NUS1: variants seen among roughly 807,000 people sequenced by gnomAD.
NUS1 encodes NUS1 dehydrodolichyl diphosphate synthase subunit, also known as dehydrodolichyl diphosphate synthase complex subunit NUS1.
For missense variants in NUS1, 292 were observed against 382.9 expected (o/e 0.76, Z 1.98); for synonymous variants, 135 against 155.2 (o/e 0.87, Z 0.97).
At chr6:117,683,363 A>T (rs1280239794) in intron 1 of NUS1, among the ~76,000 whole-genome samples, 6 of 152,176 alleles carry the variant, frequency 3.9e-5, no homozygotes, top group African/African-American at 1.4e-4. Flanking sequence ...GTATTTTGTT[A>T]TGATTTATTT....
chr6:117,691,611 GAT>G (rs1773222326), intron 1 of NUS1, among the ~76,000 whole-genome samples: 1 of 142,500 alleles, frequency 7.0e-6, no homozygotes, highest in African/African-American at 2.6e-5. Flanking sequence ...ATTCAAAAGT[GAT>G]ATAATTTTGA....
chr6:117,681,289 C>T (rs1426065623), intron 1 of NUS1, among the ~76,000 whole-genome samples: 1 of 152,170 alleles, frequency 6.6e-6, no homozygotes, highest in Non-Finnish European at 1.5e-5. Context: ...AACTTTCTTA[C>T]TAGATTATAA....
chr6:117,685,261 TA>T (rs767010612), intron 1 of NUS1, among the ~76,000 whole-genome samples: 12 of 152,230 alleles, frequency 7.9e-5, no homozygotes, highest in Non-Finnish European at 1.8e-4. Context: ...GTTTTACTTT[TA>T]TTTTTTTCAA....
chr6:117,694,131 G>A lies in NUS1; in HGVS notation c.642G>A (p.Lys214=), dbSNP rs1379094426. Reference sequence around the variant, plus strand: ...ACTTTTGCCAGTTAGTAGCCCAGAAGCAAAAGAGACCCACAGATTTGGATG... The same window carrying A: ...ACTTTTGCCAGTTAGTAGCCCAGAAACAAAAGAGACCCACAGATTTGGATG... ...AQDFCQLVAQ[K]QKRPTDLDVD... is the part of the protein sequence containing the mutation. Residue 214 remains lysine, a synonymous_variant, in exon 3 of 5, where the codon AAG becomes AAA. Transcript: ENST00000368494. 4.3e-6 allele frequency: 7 copies of A among 1,611,382 alleles called. No individual in the cohort carries two copies. The highest frequency in any genetic ancestry group is 4.0e-5 in the African/African-American group (3 of 74,822).
intron 1 of NUS1, among the ~76,000 whole-genome samples, chr6:117,683,437 T>G (rs1448092051): frequency 6.6e-6 from 1 of 152,218 alleles, no homozygotes; most frequent in Non-Finnish European, 1.5e-5. Flanking sequence ...AAATAATTGC[T>G]CCATAAATAT....
At chr6:117,690,979 C>CAAA (rs71736900) in intron 1 of NUS1, among the ~76,000 whole-genome samples, 1,566 of 72,358 alleles carry the variant, frequency 0.022, 110 homozygotes, top group Non-Finnish European at 0.029. Flanking sequence ...GAGTCTGTCT[C>CAAA]AAAAAAAAAA....
chr6:117,682,523 T>G (rs1475340530), intron 1 of NUS1, among the ~76,000 whole-genome samples: 1 of 152,140 alleles, frequency 6.6e-6, no homozygotes, highest in Admixed American at 6.5e-5. Context: ...ATTACTTGAG[T>G]CCTGGAGGTT....
chr6:117,681,825 A>G (rs1773065571), intron 1 of NUS1, among the ~76,000 whole-genome samples: 1 of 152,142 alleles, frequency 6.6e-6, no homozygotes, highest in South Asian at 2.1e-4. Flanking sequence ...CTACCTGTCA[A>G]AAGACTGTTG....
chr6:117,703,726 G>T, intron 4 of NUS1, 22 bp downstream of exon 4: 1 of 1,537,374 alleles, frequency 6.5e-7, no homozygotes, highest in South Asian at 1.1e-5. Context: ...AAAGCGTACT[G>T]ACTTTGTTTA....
chr6:117,692,011 T>C (rs1329096141), intron 1 of NUS1, among the ~76,000 whole-genome samples: 2 of 152,042 alleles, frequency 1.3e-5, no homozygotes, highest in South Asian at 2.1e-4. Flanking sequence ...AGAGAATCCA[T>C]AGAATGGACA....
rs1364144383 is a variant in NUS1 at position 117,693,094 on chromosome 6, G to A, written c.468G>A (p.Gln156=). The change falls in exon 2 of 5, where the codon CAG becomes CAA. Residue 156 remains glutamine (Q), a synonymous_variant. Coordinates refer to ENST00000368494, the MANE Select transcript of NUS1 (RefSeq NM_138459.5). Reference sequence around the variant, plus strand: ...TGATGGATGAAATTTTAAAACAACAGCAAGAACTTCTGGGCCTAGATTGTT... The same window carrying A: ...TGATGGATGAAATTTTAAAACAACAACAAGAACTTCTGGGCCTAGATTGTT... ...SRLMDEILKQ[Q]QELLGLDCSK... 2.5e-6 allele frequency: 4 copies of A among 1,610,304 alleles called. No individual in the cohort carries two copies. Among genetic ancestry groups the A allele is most frequent in the Non-Finnish European group, 3.4e-6 (4 of 1,177,016 alleles).
chr6:117,676,851 T>C (rs1319068068), intron 1 of NUS1, among the ~76,000 whole-genome samples: 1 of 152,230 alleles, frequency 6.6e-6, no homozygotes, highest in Non-Finnish European at 1.5e-5. Context: ...GCAGTGAGGC[T>C]ATAGAGGACT....
chr6:117,677,015 TC>T (rs1772994011), intron 1 of NUS1, among the ~76,000 whole-genome samples: 1 of 152,210 alleles, frequency 6.6e-6, no homozygotes, highest in East Asian at 1.9e-4. Flanking sequence ...TTGTGATCCT[TC>T]ATCATCAGTG....
intron 4 of NUS1, among the ~76,000 whole-genome samples, chr6:117,705,293 G>A (rs74993286): frequency 0.028 from 4,302 of 152,284 alleles, 90 homozygotes; most frequent in Non-Finnish European, 0.039. Flanking sequence ...TTGTCTCCAA[G>A]TATGGCAGCA....
At chr6:117,677,080 G>A in intron 1 of NUS1, among the ~76,000 whole-genome samples, 1 of 152,170 alleles carries the variant, frequency 6.6e-6, no homozygotes, top group East Asian at 1.9e-4. Flanking sequence ...TTGAGGGAAT[G>A]AATTTCACCA....
intron 3 of NUS1, among the ~76,000 whole-genome samples, chr6:117,695,480 T>G (rs1773306447): frequency 6.6e-6 from 1 of 152,146 alleles, no homozygotes; most frequent in South Asian, 2.1e-4. Flanking sequence ...CTGCACCCTA[T>G]GAGACCCTAA....
chr6:117,695,851 T>C (rs779336362), intron 3 of NUS1, among the ~76,000 whole-genome samples: 1 of 152,162 alleles, frequency 6.6e-6, no homozygotes. Context: ...ACTTACCATA[T>C]TTTTGAGGTT....
In NUS1 at chr6:117,695,193, C is replaced by CAAAAAAAAAA. The variant is rs58136219; in HGVS notation, c.691+1032_691+1041dup. Among the ~76,000 whole-genome samples the CAAAAAAAAAA allele has an allele frequency of 1.7e-3, 94 of 55,236 alleles. 1 individual carries two copies. Among genetic ancestry groups the CAAAAAAAAAA allele is most frequent in the Admixed American group, 2.3e-3 (7 of 3,056 alleles). 36.2% of individuals were successfully genotyped at this position (55,236 alleles called of 152,430 possible). ...TGGGTGACGGAGTGAGACCCTGTCTCAAAAAAAAAAAAAAAAAAAAAAAAA... is the reference window on the plus strand; with the variant it reads ...TGGGTGACGGAGTGAGACCCTGTCTCAAAAAAAAAAAAAAAAAAAAAAAAAAAAAAAAAAA... On this transcript the variant is annotated intron_variant, in intron 3 of 4. Transcript: ENST00000368494.
At chr6:117,703,368 C>G (rs924749068) in intron 3 of NUS1, among the ~76,000 whole-genome samples, 4 of 152,010 alleles carry the variant, frequency 2.6e-5, no homozygotes, top group African/African-American at 7.3e-5. Flanking sequence ...GGTAATCAAT[C>G]AAGTTAAACA....
Sources: allele counts gnomAD v4.1 joint callset (sites outside exome capture counted in the v4.1 genomes callset), GRCh38; gene constraint gnomAD v4.1.1; transcripts MANE v1.5; gene names NCBI Gene and HGNC (gene_info 2026-07-23, HGNC 2026-07-21).